Variants in ITPR2 observed in about 807,000 individuals in gnomAD.
ITPR2 encodes inositol 1,4,5-trisphosphate-gated calcium channel ITPR2.
Under a neutral mutation model 317.1 loss-of-function variants are expected in ITPR2, and 207 were observed. The observed-to-expected ratio is 0.65, with a 90% CI of 0.58 to 0.73. ITPR2 has a LOEUF of 0.73. Among genes scored for constraint, ITPR2 ranks in the 30% least tolerant of loss-of-function variants. ITPR2 has a pLI of 0.00. For synonymous variants in ITPR2, 1,156 were observed against 1,149.1 expected (o/e 1.01, Z -0.12); for missense variants, 2,613 against 3,284.0 (o/e 0.80, Z 4.99).
chr12:26,682,523 C>T (rs1340253738), intron 12 of ITPR2, 51 bp downstream of exon 12: 4 of 1,127,418 alleles, frequency 3.5e-6, no homozygotes, highest in Non-Finnish European at 5.4e-6. Flanking sequence ...TATCCTAATC[C>T]TATTCTCATG....
At chr12:26,620,522 A>G (rs1031030556) in intron 26 of ITPR2, among the ~76,000 whole-genome samples, 2 of 152,234 alleles carry the variant, frequency 1.3e-5, no homozygotes, top group Non-Finnish European at 2.9e-5. Flanking sequence ...TTATCTAAGC[A>G]TGACTACTAA....
Position 26,342,045 on chromosome 12 carries a change from G to A in ITPR2, c.7858-1717C>T, listed in dbSNP as rs553355136. ...GGGAAGAGCAGAGGAAACCTAACAG[G>A]GGCCCATGAAATGCTTGCACGGTAG... On this transcript the variant is annotated intron_variant, in intron 55 of 56. Coordinates refer to ENST00000381340, the MANE Select transcript of ITPR2 (RefSeq NM_002223.4). Among the ~76,000 whole-genome samples the A allele has an allele frequency of 5.3e-5, 8 of 152,294 alleles. No homozygotes were observed. The South Asian group carries it at 1.5e-3, about 28-fold the overall frequency.
intron 34 of ITPR2, among the ~76,000 whole-genome samples, chr12:26,567,986 ATATATATATATTATATATATTAT>A (rs1945038419): frequency 1.2e-4 from 2 of 16,094 alleles, no homozygotes; most frequent in Non-Finnish European, 5.6e-4. Context: ...TATTATATAT[ATATATATATATTATATATATTAT>A]ATATATATAT....
At chr12:26,659,344 T>C (rs2136911251) in intron 15 of ITPR2, 59 bp from the exon 16 acceptor site, 1 of 1,406,302 alleles carries the variant, frequency 7.1e-7, no homozygotes, top group East Asian at 2.3e-5. Context: ...TAACAGGTTC[T>C]ATTAGGGTCA....
At chr12:26,513,913 C>T (rs1017294854) in intron 37 of ITPR2, among the ~76,000 whole-genome samples, 3 of 151,036 alleles carry the variant, frequency 2.0e-5, no homozygotes, top group Non-Finnish European at 4.4e-5. Context: ...TCTCTAACAT[C>T]CACTTGTTGT....
intron 10 of ITPR2, among the ~76,000 whole-genome samples, chr12:26,688,761 G>A (rs77798972): frequency 0.11 from 16,594 of 152,020 alleles, 1,097 homozygotes; most frequent in African/African-American, 0.19. Flanking sequence ...AAAAACTCAT[G>A]GCTAAGACCC....
intron 46 of ITPR2, among the ~76,000 whole-genome samples, chr12:26,441,417 C>G (rs908801785): frequency 1.3e-5 from 2 of 152,088 alleles, no homozygotes; most frequent in Non-Finnish European, 2.9e-5. Context: ...CAAAGATGAC[C>G]AAGACCAGTC....
intron 26 of ITPR2, among the ~76,000 whole-genome samples, chr12:26,618,740 C>T (rs1297746020): frequency 1.3e-5 from 2 of 152,202 alleles, no homozygotes; most frequent in African/African-American, 2.4e-5. Flanking sequence ...TCTTTTAAAA[C>T]ACCAAAACCG....
rs549294887 is a variant in ITPR2 at position 26,408,558 on chromosome 12, T to G, written c.7399+2762A>C. 3.3e-5 allele frequency among the ~76,000 whole-genome samples: 5 copies of G among 152,248 alleles called. 1 individual carries two copies. Among genetic ancestry groups the G allele is most frequent in the Admixed American group, 1.3e-4 (2 of 15,290 alleles). ...ACTATGAATGACCTGGAAGACCTCA[T>G]TCTAGGAGAGTGGCCCTGGCAGTTC... On this transcript the variant is annotated intron_variant, in intron 52 of 56. Transcript: ENST00000381340.
At chr12:26,506,251 A>G (rs533309543) in intron 37 of ITPR2, among the ~76,000 whole-genome samples, 1 of 151,894 alleles carries the variant, frequency 6.6e-6, no homozygotes, top group South Asian at 2.1e-4. Flanking sequence ...ACATACACCT[A>G]TGGTCCCAGT....
chr12:26,715,162 G>T, intron 8 of ITPR2, 137 bp downstream of exon 8: 1 of 715,144 alleles, frequency 1.4e-6, no homozygotes, highest in Non-Finnish European at 2.2e-6. Context: ...CAATGAATAG[G>T]CACAAGTTGG....
chr12:26,682,995 G>T (rs1305802383), intron 11 of ITPR2, among the ~76,000 whole-genome samples: 5 of 152,180 alleles, frequency 3.3e-5, no homozygotes, highest in Non-Finnish European at 1.5e-5. Context: ...CCAACAATGA[G>T]TGGTTTAATA....
rs376136988 is a variant in ITPR2, at chr12:26,794,060, TCCTA to T, written c.93-3837_93-3834del. Reference sequence around the variant, plus strand: ...CATCTAACATAAAACCTGTTGTTTTTCCTACCTATCTTCTCTTCATAAGGTCATA... The same window carrying T: ...CATCTAACATAAAACCTGTTGTTTTTCCTATCTTCTCTTCATAAGGTCATA... On this transcript the variant is annotated intron_variant, in intron 1 of 56. Coordinates refer to ENST00000381340, the MANE Select transcript of ITPR2 (RefSeq NM_002223.4). 5.3e-5 allele frequency among the ~76,000 whole-genome samples: 8 copies of T among 152,324 alleles called. No homozygotes were observed. The South Asian group carries it at 8.3e-4, about 16-fold the overall frequency.
At chr12:26,536,374 A>T (rs1429830874) in intron 37 of ITPR2, among the ~76,000 whole-genome samples, 1 of 152,116 alleles carries the variant, frequency 6.6e-6, no homozygotes, top group Non-Finnish European at 1.5e-5. Context: ...TTATTAGGAC[A>T]GTTTGTTAGT....
At chr12:26,539,171 C>A (rs1213817061) in intron 37 of ITPR2, among the ~76,000 whole-genome samples, 2 of 152,174 alleles carry the variant, frequency 1.3e-5, no homozygotes, top group Non-Finnish European at 2.9e-5. Context: ...TGAAATGTAT[C>A]AGGCCCAGTC....
intron 55 of ITPR2, among the ~76,000 whole-genome samples, chr12:26,355,670 C>T (rs989655645): frequency 3.2e-4 from 48 of 152,208 alleles, no homozygotes; most frequent in African/African-American, 1.1e-3. Flanking sequence ...TAGACAGATG[C>T]TAATACTCCC....
Position 26,650,604 on chromosome 12 carries a change from TA to T in ITPR2, c.2740+3371del, listed in dbSNP as rs565212652. On this transcript the variant is annotated intron_variant, in intron 21 of 56. Coordinates refer to ENST00000381340, the MANE Select transcript of ITPR2 (RefSeq NM_002223.4). The stretch of plus-strand genomic sequence containing the variant: ...TGTTGCCATGAACCTAAAACTGCTC[TA>T]AAAAAAAATGTCTTTAATAAAATAC... 4.9e-3 allele frequency among the ~76,000 whole-genome samples: 735 copies of T among 151,350 alleles called. 5 individuals are homozygous for T. Among genetic ancestry groups the T allele is most frequent in the Non-Finnish European group, 6.4e-3 (431 of 67,692 alleles).
intron 13 of ITPR2, among the ~76,000 whole-genome samples, chr12:26,681,290 C>A (rs1332989862): frequency 6.6e-6 from 1 of 152,154 alleles, no homozygotes; most frequent in Non-Finnish European, 1.5e-5. Flanking sequence ...AGTGCCCAAC[C>A]TAGTAAGTGA....
chr12:26,576,826 G>A (rs746676632), intron 34 of ITPR2, among the ~76,000 whole-genome samples: 5 of 152,226 alleles, frequency 3.3e-5, no homozygotes, highest in Non-Finnish European at 7.3e-5. Context: ...GTCCCTCGAA[G>A]TTCGTGTGTT....
Sources: allele counts gnomAD v4.1 joint callset (sites outside exome capture counted in the v4.1 genomes callset), GRCh38; gene constraint gnomAD v4.1.1; transcripts MANE v1.5; gene names NCBI Gene and HGNC (gene_info 2026-07-23, HGNC 2026-07-21).